PALD1: variants seen among roughly 807,000 people sequenced by gnomAD.
PALD1 encodes the protein phosphatase domain containing paladin 1, also known as paladin.
PALD1 carries 57 observed loss-of-function variants against 96.0 expected under a neutral mutation model. The ratio of observed to expected loss-of-function variants is 0.59; its 90% CI spans 0.48 to 0.74. PALD1 has a LOEUF of 0.74. Among genes scored for constraint, PALD1 ranks in the 30% least tolerant of loss-of-function variants. PALD1 has a pLI of 0.00. For synonymous variants in PALD1, 464 were observed against 473.6 expected, an observed-to-expected ratio of 0.98 and a Z score of 0.26; for missense variants, 1,063 against 1,143.7, an observed-to-expected ratio of 0.93 and a Z score of 1.02.
At chr10:70,545,731 C>T (rs1477389988) in intron 17 of PALD1, among the ~76,000 whole-genome samples, 1 of 151,928 alleles carries the variant, frequency 6.6e-6, no homozygotes, top group Non-Finnish European at 1.5e-5. Flanking sequence ...AGCCACTGCA[C>T]CTGGCTGGGG....
chr10:70,499,469 C>A (rs1279359316), intron 1 of PALD1, among the ~76,000 whole-genome samples: 1 of 152,220 alleles, frequency 6.6e-6, no homozygotes, highest in East Asian at 1.9e-4. Flanking sequence ...CAGTGTGAGG[C>A]TGGCAGGGGC....
Position 70,566,149 on chromosome 10 carries a change from C to T in PALD1, c.2419-432C>T, listed in dbSNP as rs532326145. On this transcript the variant is annotated intron_variant, in intron 19 of 19. Coordinates refer to ENST00000263563, the MANE Select transcript of PALD1 (RefSeq NM_014431.3). ...TGGTGCCAGGGTCTGGGCTGCTGGGCGGCAGGGCTGAGTGTCCAGGGGTGC... is the reference window on the plus strand; with the variant it reads ...TGGTGCCAGGGTCTGGGCTGCTGGGTGGCAGGGCTGAGTGTCCAGGGGTGC... Among the ~76,000 whole-genome samples the T allele has an allele frequency of 4.1e-4, 62 of 152,250 alleles. 1 individual carries two copies. The highest frequency in any genetic ancestry group is 1.3e-3 in the African/African-American group (52 of 41,554).
intron 18 of PALD1, among the ~76,000 whole-genome samples, chr10:70,557,393 G>T (rs73272695): frequency 0.11 from 16,212 of 152,216 alleles, 1,211 homozygotes; most frequent in Admixed American, 0.23. Flanking sequence ...TCTCAGCATT[G>T]AATCTCTGTG....
At chr10:70,535,617 C>T (rs1847098528) in intron 10 of PALD1, among the ~76,000 whole-genome samples, 1 of 144,932 alleles carries the variant, frequency 6.9e-6, no homozygotes, top group Non-Finnish European at 1.5e-5. Context: ...CTTCCTCCTT[C>T]TCCTCCTTCT....
chr10:70,501,892 T>C (rs1846306027), intron 1 of PALD1, among the ~76,000 whole-genome samples: 1 of 151,864 alleles, frequency 6.6e-6, no homozygotes, highest in Admixed American at 6.6e-5. Context: ...GCCTCCCCCT[T>C]TTTAATGGAA....
intron 1 of PALD1, among the ~76,000 whole-genome samples, chr10:70,484,790 C>T (rs7072998): frequency 0.016 from 2,420 of 151,952 alleles, 68 homozygotes; most frequent in African/African-American, 0.052. Context: ...CTGCCCGCCT[C>T]GGCCTCCCAA....
At chr10:70,468,837 A>G in the PALD1 span, among the ~76,000 whole-genome samples, 1 of 151,832 alleles carries the variant, frequency 6.6e-6, no homozygotes, top group East Asian at 1.9e-4. Context: ...CCCAGGTTCA[A>G]GCAATTCTCC....
Position 70,478,823 on chromosome 10 carries a change from A to C in PALD1, c.-266A>C, listed in dbSNP as rs1845874891. The C allele has an allele frequency of 6.6e-6, 1 of 151,462 alleles. No homozygotes were observed. Among genetic ancestry groups the C allele is most frequent in the Admixed American group, 6.6e-5 (1 of 15,200 alleles). The allele number at this position is 151,462 out of a possible 1,614,324, so 9.4% of individuals were successfully genotyped here. A position where few individuals can be genotyped will look rare whatever the true frequency, so the allele number is the denominator to read the frequency against. On this transcript the variant is annotated 5_prime_UTR_variant, in exon 1 of 20. Transcript: ENST00000263563. ...GCGGCGCGCACGGGCCGGGGCGCGC[A>C]GGTCCCGTCGCCGGTGAGCACGGGC...
intron 1 of PALD1, among the ~76,000 whole-genome samples, chr10:70,490,123 G>A (rs1324566760): frequency 6.6e-6 from 1 of 152,026 alleles, no homozygotes; most frequent in Non-Finnish European, 1.5e-5. Flanking sequence ...AGGTTTCACC[G>A]TGTTGGCCAG....
In PALD1 at chr10:70,533,075, C is replaced by G; in HGVS notation, c.870+5C>G. ...GCCTTTGTCAGTGTTCTCCGGGTAA[C>G]TGGGGCACGGGCGCGCATGGGGGAG... On this transcript the variant is annotated splice_donor_5th_base_variant and intron_variant, in intron 7 of 19. Coordinates refer to ENST00000263563, the MANE Select transcript of PALD1 (RefSeq NM_014431.3). 6.4e-7 allele frequency: 1 copy of G among 1,573,848 alleles called. No individual in the cohort carries two copies. Among genetic ancestry groups the G allele is most frequent in the Non-Finnish European group, 8.6e-7 (1 of 1,158,780 alleles).
intron 18 of PALD1, among the ~76,000 whole-genome samples, chr10:70,556,302 CTCTCTG>C (rs1554862650): frequency 7.3e-6 from 1 of 137,322 alleles, no homozygotes; most frequent in Admixed American, 6.9e-5. Flanking sequence ...CTCTCTCTCT[CTCTCTG>C]TCTCTGTCTC....
chr10:70,484,952 T>C (rs1448466528), intron 1 of PALD1, among the ~76,000 whole-genome samples: 1 of 152,186 alleles, frequency 6.6e-6, no homozygotes. Context: ...ACTTGGAAAA[T>C]ACAAAGTTAA....
chr10:70,516,967 AT>A (rs1846632149), intron 1 of PALD1, among the ~76,000 whole-genome samples: 2 of 151,992 alleles, frequency 1.3e-5, no homozygotes, highest in Non-Finnish European at 1.5e-5. Flanking sequence ...GACCAGCCAG[AT>A]TTCCAGGGCT....
chr10:70,494,846 C>T (rs562241359), intron 1 of PALD1, among the ~76,000 whole-genome samples: 10 of 152,294 alleles, frequency 6.6e-5, no homozygotes, highest in Admixed American at 5.2e-4. Flanking sequence ...AGATTGGTAA[C>T]GTGTTGAACT....
At chr10:70,501,676 G>T (rs550121688) in intron 1 of PALD1, among the ~76,000 whole-genome samples, 2 of 146,864 alleles carry the variant, frequency 1.4e-5, no homozygotes, top group South Asian at 2.3e-4. Context: ...TCTAAATAGT[G>T]TATGTTTACT....
Position 70,539,751 on chromosome 10 carries a change from C to G in PALD1, c.1897C>G (p.Pro633Ala), listed in dbSNP as rs897305995. Residue 633 changes from proline (P) to alanine (A), a missense_variant, in exon 15 of 20, where the codon CCC (proline) becomes GCC (alanine). Coordinates refer to ENST00000263563, the MANE Select transcript of PALD1 (RefSeq NM_014431.3). The surrounding 1 kb of genome is among the most constrained non-coding windows in gnomAD (Gnocchi z 4.5). ...HRIPMPDFCA[P>A]REEDFDQLLE... ...CATCCCCATGCCGGACTTCTGTGCC[C>G]CCCGAGAGGAGGTGAGGGTGCTGCT... 5 of 1,610,120 alleles carry G rather than the reference C, an allele frequency of 3.1e-6. No individual in the cohort carries two copies. Among genetic ancestry groups the G allele is most frequent in the Non-Finnish European group, 4.2e-6 (5 of 1,179,004 alleles).
chr10:70,477,314 A>C (rs535084145), upstream of PALD1, among the ~76,000 whole-genome samples: 18 of 152,358 alleles, frequency 1.2e-4, no homozygotes, highest in African/African-American at 2.9e-4. Flanking sequence ...TCTTTGAAGG[A>C]GGATGAAGCC....
chr10:70,557,666 G>A (rs933022987), intron 18 of PALD1, among the ~76,000 whole-genome samples: 1 of 152,104 alleles, frequency 6.6e-6, no homozygotes, highest in Non-Finnish European at 1.5e-5. Flanking sequence ...CCCACCACAC[G>A]CAGCGGCTGG....
chr10:70,518,150 G>A (rs1460682624), intron 1 of PALD1, among the ~76,000 whole-genome samples: 1 of 151,998 alleles, frequency 6.6e-6, no homozygotes, highest in Non-Finnish European at 1.5e-5. Context: ...TGATCCGCCC[G>A]CCTCGGCCTC....
Sources: allele counts gnomAD v4.1 joint callset (sites outside exome capture counted in the v4.1 genomes callset), GRCh38; gene constraint gnomAD v4.1.1; non-coding constraint Gnocchi (gnomAD v3.1); transcripts MANE v1.5; gene names NCBI Gene and HGNC (gene_info 2026-07-23, HGNC 2026-07-21).